The following CELF4 variants were observed in gnomAD, a reference collection of about 807,000 sequenced individuals.
CELF4 encodes the protein CUG-BP- and ETR-3-like factor 4.
Under a neutral mutation model 59.9 loss-of-function variants are expected in CELF4, and 18 were observed. The ratio of observed to expected loss-of-function variants is 0.30; its 90% confidence interval spans 0.21 to 0.45. CELF4 has a LOEUF of 0.45. Ranked by LOEUF, CELF4 falls within the 20% of genes least tolerant of loss-of-function variation. The pLI is 1.00. For synonymous variants in CELF4, 261 were observed against 267.1 expected, an observed-to-expected ratio of 0.98 and a Z score of 0.22; for missense variants, 456 against 689.0, an observed-to-expected ratio of 0.66 and a Z score of 3.79.
At chr18:37,263,520 G>A (rs530622031) in intron 10 of CELF4, among the ~76,000 whole-genome samples, 3 of 152,076 alleles carry the variant, frequency 2.0e-5, no homozygotes, top group Non-Finnish European at 4.4e-5. Flanking sequence ...TAGGGGTAGA[G>A]AGGATGGGAC....
At chr18:37,257,020 G>C (rs2070109796) in intron 11 of CELF4, among the ~76,000 whole-genome samples, 1 of 152,098 alleles carries the variant, frequency 6.6e-6, no homozygotes, top group African/African-American at 2.4e-5. Flanking sequence ...TTCAGGGCTG[G>C]TATGCTCGAC....
At chr18:37,441,905 C>A (rs1188298477) in intron 2 of CELF4, among the ~76,000 whole-genome samples, 1 of 152,064 alleles carries the variant, frequency 6.6e-6, no homozygotes, top group Non-Finnish European at 1.5e-5. Context: ...CTGCAAAGAC[C>A]CTAGATGACA....
chr18:37,450,900 G>C (rs1253744694), intron 2 of CELF4, among the ~76,000 whole-genome samples: 2 of 152,168 alleles, frequency 1.3e-5, no homozygotes, highest in African/African-American at 4.8e-5. Flanking sequence ...GGAAGGAGGG[G>C]ACCTGGCTCA....
chr18:37,444,811 T>G (rs1188381722), intron 2 of CELF4, among the ~76,000 whole-genome samples: 1 of 152,134 alleles, frequency 6.6e-6, no homozygotes, highest in Non-Finnish European at 1.5e-5. Context: ...TGCCTCCCCG[T>G]ACCTCCCTCC....
chr18:37,297,864 C>G (rs748174203), intron 3 of CELF4, among the ~76,000 whole-genome samples: 5 of 152,172 alleles, frequency 3.3e-5, no homozygotes, highest in Non-Finnish European at 7.3e-5. Flanking sequence ...CTGGGCCATG[C>G]AAAGGCCCAG....
chr18:37,266,975 G>T (rs550555010), intron 8 of CELF4, among the ~76,000 whole-genome samples: 18 of 152,198 alleles, frequency 1.2e-4, no homozygotes, highest in African/African-American at 4.3e-4. Flanking sequence ...CTGCAGAAGG[G>T]CTGTGGGGAA....
chr18:37,480,970 C>A (rs1027137501), intron 2 of CELF4, among the ~76,000 whole-genome samples: 1 of 152,128 alleles, frequency 6.6e-6, no homozygotes, highest in Non-Finnish European at 1.5e-5. Context: ...CATTTGAGCT[C>A]TCTGAAAAGA....
At chr18:37,452,150 C>T (rs994448447) in intron 2 of CELF4, among the ~76,000 whole-genome samples, 12 of 152,172 alleles carry the variant, frequency 7.9e-5, no homozygotes, top group African/African-American at 2.7e-4. Flanking sequence ...GCAATGGTGT[C>T]GGCTGAATGC....
At chr18:37,447,108 AT>A (rs1460949629) in intron 2 of CELF4, among the ~76,000 whole-genome samples, 3 of 152,330 alleles carry the variant, frequency 2.0e-5, no homozygotes, top group East Asian at 3.9e-4. Context: ...GAAAAAAAAA[AT>A]AATCCGATAA....
intron 2 of CELF4, among the ~76,000 whole-genome samples, chr18:37,432,492 G>T (rs1185927062): frequency 6.6e-6 from 1 of 152,220 alleles, no homozygotes; most frequent in Non-Finnish European, 1.5e-5. Context: ...AAACAACAAA[G>T]ACAATGAACG....
chr18:37,550,157 C>T (rs968055455), intron 1 of CELF4, among the ~76,000 whole-genome samples: 9 of 151,654 alleles, frequency 5.9e-5, no homozygotes, highest in African/African-American at 1.2e-4. Context: ...GGGAAAGGGG[C>T]CTCTCAGGAG....
chr18:37,403,787 G>C (rs2154585182), intron 2 of CELF4, among the ~76,000 whole-genome samples: 1 of 152,358 alleles, frequency 6.6e-6, no homozygotes, highest in Middle Eastern at 3.4e-3. Flanking sequence ...GGCTCATGCA[G>C]ATGCTGTGGC....
intron 3 of CELF4, among the ~76,000 whole-genome samples, chr18:37,301,745 G>A (rs1336201833): frequency 6.6e-6 from 1 of 152,230 alleles, no homozygotes; most frequent in African/African-American, 2.4e-5. Context: ...TTAAAGAGCC[G>A]GAAGGCCTCA....
Position 37,388,735 on chromosome 18 carries a change from C to T in CELF4, c.370-66854G>A, listed in dbSNP as rs933293783. Among the ~76,000 whole-genome samples the T allele has an allele frequency of 1.8e-4, 28 of 152,270 alleles. No homozygotes were observed. The Middle Eastern group carries it at 0.01, about 55-fold the overall frequency. ...ACTTACATGGGAGTAGGGGGCCTCC[C>T]AGAGCCTCCACAGAACATGCTGAGG... On this transcript the variant is annotated intron_variant, in intron 2 of 12. Transcript: ENST00000420428.
At chr18:37,265,519 T>TG (rs2077113831) in intron 9 of CELF4, among the ~76,000 whole-genome samples, 1 of 152,032 alleles carries the variant, frequency 6.6e-6, no homozygotes, top group African/African-American at 2.4e-5. Context: ...GTGTGGGAGG[T>TG]GGGGGCCACC....
chr18:37,485,898 C>G (rs990165432), intron 1 of CELF4: 1 of 264,728 alleles, frequency 3.8e-6, no homozygotes, highest in South Asian at 1.7e-4. Flanking sequence ...CTCCTTACCC[C>G]GTACCCTGGT....
At chr18:37,475,677 C>T (rs749334286) in intron 2 of CELF4, among the ~76,000 whole-genome samples, 12 of 152,174 alleles carry the variant, frequency 7.9e-5, no homozygotes, top group Non-Finnish European at 1.2e-4. Context: ...GATTTCAGAG[C>T]AACTGATCTG....
At chr18:37,382,763 G>T (rs2099054793) in intron 2 of CELF4, among the ~76,000 whole-genome samples, 1 of 152,118 alleles carries the variant, frequency 6.6e-6, no homozygotes, top group Admixed American at 6.6e-5. Flanking sequence ...TACAGTCCGT[G>T]TATTAAAACT....
chr18:37,279,762 C>T (rs1274127123), intron 3 of CELF4, among the ~76,000 whole-genome samples: 1 of 152,210 alleles, frequency 6.6e-6, no homozygotes, highest in Non-Finnish European at 1.5e-5. Context: ...AGAACAAGGC[C>T]ACAGAGTGGC....
Sources: gnomAD v4.1 joint callset for allele counts (sites outside exome capture counted in the v4.1 genomes callset) on GRCh38, gnomAD v4.1.1 for gene constraint, MANE v1.5 for transcripts, NCBI Gene and HGNC (gene_info 2026-07-23, HGNC 2026-07-21) for gene names.